POLR1D: variants seen among roughly 807,000 people sequenced by gnomAD.
The protein encoded by POLR1D is RNA polymerase I and III subunit D.
A neutral mutation model predicts 10.8 loss-of-function variants in POLR1D; 8 were observed. The ratio of observed to expected loss-of-function variants is 0.74; its 90% confidence interval spans 0.43 to 1.33. POLR1D has a LOEUF of 1.33. POLR1D is among the 40% of genes most tolerant of loss of function. The pLI is 0.01. For synonymous variants in POLR1D, 54 were observed against 57.2 expected, an observed-to-expected ratio of 0.94 and a Z score of 0.25; for missense variants, 152 against 161.7, an observed-to-expected ratio of 0.94 and a Z score of 0.32.
chr13:27,666,244 A>G (rs1314360972), exon 3 of POLR1D: 4 of 335,898 alleles, frequency 1.2e-5, no homozygotes, highest in Admixed American at 4.3e-5. Context: ...AAACATGTCT[A>G]GAATTTAAAG....
chr13:27,623,805 T>C (rs997869932), downstream of POLR1D, among the ~76,000 whole-genome samples: 13 of 152,232 alleles, frequency 8.5e-5, 1 homozygote, highest in Non-Finnish European at 2.9e-5. Flanking sequence ...GTGAGAATTC[T>C]GGTTTTACAT....
At chr13:27,627,484 A>G (rs1956025403), downstream of POLR1D, among the ~76,000 whole-genome samples, 2 of 152,130 alleles carry the variant, frequency 1.3e-5, no homozygotes, top group South Asian at 2.1e-4. Flanking sequence ...AAGAAAACCA[A>G]TTGTATTGAC....
chr13:27,621,667 C>G (rs564534097), upstream of POLR1D: 465 of 206,452 alleles, frequency 2.3e-3, 2 homozygotes, highest in African/African-American at 0.01. Context: ...GCAGGCCTGT[C>G]TGGGCCTCGG....
intron 1 of POLR1D, among the ~76,000 whole-genome samples, chr13:27,645,983 G>GT (rs1956217333): frequency 6.6e-6 from 1 of 152,154 alleles, no homozygotes; most frequent in Non-Finnish European, 1.5e-5. Flanking sequence ...TCTTTACTGA[G>GT]TATCTTCTGC....
At chr13:27,648,671 G>GT in intron 2 of POLR1D, among the ~76,000 whole-genome samples, 1 of 152,344 alleles carries the variant, frequency 6.6e-6, no homozygotes, top group African/African-American at 2.4e-5. Flanking sequence ...AGGATACGCA[G>GT]TATAGGTTCA....
intron 1 of POLR1D, among the ~76,000 whole-genome samples, chr13:27,637,162 T>C (rs1956132180): frequency 1.3e-5 from 2 of 152,208 alleles, no homozygotes; most frequent in Non-Finnish European, 2.9e-5. Flanking sequence ...TTTTGGCAGC[T>C]GATGTGTTGT....
At chr13:27,665,879 G>C in exon 3 of POLR1D, 1 of 1,614,146 alleles carries the variant, frequency 6.2e-7, no homozygotes, top group Non-Finnish European at 8.5e-7. Flanking sequence ...CCGCGCTCGA[G>C]GTTCCGCCAG....
intron 1 of POLR1D, among the ~76,000 whole-genome samples, chr13:27,646,629 C>T (rs1027887335): frequency 1.5e-4 from 23 of 152,130 alleles, no homozygotes; most frequent in African/African-American, 5.3e-4. Context: ...ACTGAAAAGA[C>T]ATCTTTTAAA....
upstream of POLR1D, chr13:27,621,675 C>T (rs1417280170): frequency 1.4e-5 from 3 of 214,102 alleles, no homozygotes; most frequent in Admixed American, 5.9e-5. Flanking sequence ...GTCTGGGCCT[C>T]GGGGTAAGGC....
At chr13:27,633,396 G>T (rs1324082698) in intron 1 of POLR1D, among the ~76,000 whole-genome samples, 1 of 152,150 alleles carries the variant, frequency 6.6e-6, no homozygotes, top group African/African-American at 2.4e-5. Context: ...TGGATTTGGG[G>T]AATTCCCAGA....
At chr13:27,643,374 T>C (rs75857975) in intron 1 of POLR1D, among the ~76,000 whole-genome samples, 1,788 of 152,306 alleles carry the variant, frequency 0.012, 22 homozygotes, top group Non-Finnish European at 0.018. Context: ...TTTTGTACCT[T>C]TCTTTAGAGC....
intron 2 of POLR1D, among the ~76,000 whole-genome samples, chr13:27,664,183 A>G (rs527689457): frequency 1.3e-5 from 2 of 152,330 alleles, no homozygotes; most frequent in East Asian, 3.9e-4. Context: ...TCCTAATGCC[A>G]GCGTGCCCCC....
At chr13:27,665,629 G>C in intron 2 of POLR1D, 1 of 1,519,390 alleles carries the variant, frequency 6.6e-7, no homozygotes, top group South Asian at 1.1e-5. Context: ...AGTGGGTCCA[G>C]CTTTGGAGTT....
chr13:27,623,020 A>G lies in POLR1D; in HGVS notation c.172A>G (p.Met58Val). 5.6e-6 allele frequency: 9 copies of G among 1,614,150 alleles called. No individual in the cohort carries two copies. The highest frequency in any genetic ancestry group is 7.6e-6 in the Non-Finnish European group (9 of 1,179,982). The change falls in exon 2 of 2, where the codon ATG becomes GTG. Residue 58 changes from methionine (M) to valine (V), a missense_variant. Physicochemically the swap from Met to Val is conservative, Grantham distance 21 (BLOSUM62 1). Coordinates refer to ENST00000302979, the MANE Select transcript of POLR1D (RefSeq NM_015972.4). ...TACCCTAGGAAATTCTCTACGTTAC[A>G]TGATCATGAAGAACCCGGAAGTGGA... ...DHTLGNSLRY[M>V]IMKNPEVEFC... is the part of the protein sequence containing the mutation.
chr13:27,640,424 G>T (rs979472888), intron 1 of POLR1D, among the ~76,000 whole-genome samples: 3 of 152,154 alleles, frequency 2.0e-5, no homozygotes, highest in Non-Finnish European at 4.4e-5. Flanking sequence ...GTTTTGAACT[G>T]CAGAAAAGTT....
upstream of POLR1D, chr13:27,621,725 C>T (rs1224120990): frequency 9.9e-6 from 3 of 303,000 alleles, no homozygotes; most frequent in African/African-American, 2.2e-5. Flanking sequence ...CCGCGAGTGG[C>T]CTCGCGTGGT....
chr13:27,666,007 G>A lies in POLR1D; in HGVS notation c.*54G>A, dbSNP rs896247354. The stretch of plus-strand genomic sequence containing the variant: ...GGGCCTCCGTGCTCCTTCGGGGTGC[G>A]GTGTGCGGAGAAGGCCTGAGCTGGC... On this transcript the variant is annotated 3_prime_UTR_variant, in exon 3 of 3. Coordinates refer to the POLR1D transcript ENST00000399697. The A allele has an allele frequency of 3.9e-6, 6 of 1,549,610 alleles. No homozygotes were observed. The Admixed American group carries it at 8.8e-5, about 23-fold the overall frequency.
intron 1 of POLR1D, 145 bp downstream of exon 1, chr13:27,622,154 A>T: frequency 2.8e-6 from 2 of 724,852 alleles, no homozygotes; most frequent in Non-Finnish European, 4.9e-6. Flanking sequence ...GGAGACATGA[A>T]TGTGTTTCAG....
chr13:27,666,787 T>C (rs1302245530), exon 3 of POLR1D: 1 of 152,202 alleles, frequency 6.6e-6, no homozygotes, highest in East Asian at 1.9e-4. Context: ...TCCCCCAGTA[T>C]TGGTTTTCAA....
Sources: allele counts gnomAD v4.1 joint callset (sites outside exome capture counted in the v4.1 genomes callset), GRCh38; gene constraint gnomAD v4.1.1; transcripts MANE v1.5; gene names NCBI Gene and HGNC (gene_info 2026-07-23, HGNC 2026-07-21).